MBNL3: variants seen among roughly 807,000 people sequenced by gnomAD.
The protein encoded by MBNL3 is muscleblind like splicing regulator 3, also known as muscleblind-like protein 3.
Under a neutral mutation model 24.5 loss-of-function variants are expected in MBNL3, and 6 were observed. The observed-to-expected ratio is 0.25, with a 90% CI of 0.13 to 0.48. The LOEUF (loss-of-function observed/expected upper bound fraction) is 0.48, where lower values mean the gene tolerates loss of function less well. Ranked by LOEUF, MBNL3 falls within the 20% of genes least tolerant of loss-of-function variation. The probability of loss-of-function intolerance (pLI) is 0.99; values close to 1 mark genes in which losing one functional copy is unlikely to be tolerated. For synonymous variants in MBNL3, 100 were observed against 101.7 expected, an observed-to-expected ratio of 0.98 and a Z score of 0.10; for missense variants, 230 against 293.5, an observed-to-expected ratio of 0.78 and a Z score of 1.58.
At chrX:132,400,718 A>T (rs1940748300) in intron 3 of MBNL3, among the ~76,000 whole-genome samples, 1 of 111,719 alleles carries the variant, frequency 9.0e-6, no homozygotes, top group African/African-American at 3.3e-5. Flanking sequence ...AACAGATTAC[A>T]GTAGGCTTCA....
Position 132,447,361 on chromosome X carries a change from C to T in MBNL3, c.-703-7047G>A, listed in dbSNP as rs753005507. Among the ~76,000 whole-genome samples, 13 of 111,802 alleles carry T rather than the reference C, an allele frequency of 1.2e-4. No individual in the cohort carries two copies. In the South Asian group the frequency reaches 3.0e-3, roughly 26 times the overall value. On this transcript the variant is annotated intron_variant, in intron 1 of 8. Transcript: ENST00000370853. ...ACTTTGGGCAGTATGGCCATTTTCA[C>T]GATATTGATTCATCCCATCCATGGG...
intron 2 of MBNL3, among the ~76,000 whole-genome samples, chrX:132,438,921 C>T (rs1157319354): frequency 1.8e-5 from 2 of 108,763 alleles, no homozygotes; most frequent in Non-Finnish European, 3.8e-5. Context: ...CTTCAAAATG[C>T]CATAATTTTC....
At chrX:132,396,793 T>C (rs180800059) in intron 3 of MBNL3, among the ~76,000 whole-genome samples, 17 of 3,104 alleles carry the variant, frequency 5.5e-3, no homozygotes, top group East Asian at 0.023. Context: ...TTCATATATA[T>C]ATTCATATAT....
chrX:132,478,223 C>G (rs1197810950), intron 1 of MBNL3, among the ~76,000 whole-genome samples: 2 of 111,073 alleles, frequency 1.8e-5, no homozygotes, highest in Non-Finnish European at 3.8e-5. Context: ...GTTAAACATC[C>G]GTTTTTGGCT....
chrX:132,467,479 A>G (rs926952903), intron 1 of MBNL3, among the ~76,000 whole-genome samples: 3 of 112,036 alleles, frequency 2.7e-5, no homozygotes, highest in African/African-American at 9.7e-5. Flanking sequence ...TAATAATGAT[A>G]ATACACATAA....
chrX:132,378,838 GA>G lies in MBNL3; in HGVS notation c.*827del, dbSNP rs2148017084. The G allele has an allele frequency of 8.9e-6, 1 of 112,057 alleles. No homozygotes were observed. The highest frequency in any genetic ancestry group is 3.2e-5 in the African/African-American group (1 of 30,934). The allele number at this position is 112,057 out of a possible 1,213,427, so 9.2% of individuals were successfully genotyped here. Reference sequence around the variant, plus strand: ...ATTTGCCAAGCTATTTAAGAAGAGTGAATTAGGGGTTAATGTTTTATGAAGT... The same window carrying G: ...ATTTGCCAAGCTATTTAAGAAGAGTGATTAGGGGTTAATGTTTTATGAAGT... On this transcript the variant is annotated 3_prime_UTR_variant, in exon 9 of 9. Coordinates refer to ENST00000370853, the MANE Select transcript of MBNL3 (RefSeq NM_001386889.1).
chrX:132,417,779 GA>G (rs1033361470), intron 2 of MBNL3, among the ~76,000 whole-genome samples: 4 of 108,769 alleles, frequency 3.7e-5, no homozygotes, highest in South Asian at 4.0e-4. Flanking sequence ...ACATCTTTCT[GA>G]AAAAAAAATA....
intron 2 of MBNL3, among the ~76,000 whole-genome samples, chrX:132,433,691 T>A (rs1944924155): frequency 8.9e-6 from 1 of 112,259 alleles, no homozygotes. Flanking sequence ...TTCCAGCTCC[T>A]GGAACAGGAT....
At chrX:132,418,778 T>G (rs183061477) in intron 2 of MBNL3, among the ~76,000 whole-genome samples, 7 of 112,515 alleles carry the variant, frequency 6.2e-5, no homozygotes, top group African/African-American at 1.6e-4. Flanking sequence ...TGTTTGGTTT[T>G]GTTTTGTTTT....
At chrX:132,443,915 C>G (rs184932089) in intron 1 of MBNL3, among the ~76,000 whole-genome samples, 92 of 93,575 alleles carry the variant, frequency 9.8e-4, no homozygotes, top group Non-Finnish European at 1.5e-3. Flanking sequence ...AGTAATTTAA[C>G]TTGCACAACT....
intron 5 of MBNL3, among the ~76,000 whole-genome samples, chrX:132,389,140 C>A (rs2148096038): frequency 8.9e-6 from 1 of 111,917 alleles, no homozygotes; most frequent in East Asian, 2.8e-4. Flanking sequence ...TTATAATTAC[C>A]CCTTCAAAAG....
At chrX:132,474,106 G>C (rs1947319125) in intron 1 of MBNL3, among the ~76,000 whole-genome samples, 1 of 111,179 alleles carries the variant, frequency 9.0e-6, no homozygotes, top group African/African-American at 3.3e-5. Context: ...CCAGACCTGA[G>C]GTTTGTTATT....
intron 1 of MBNL3, among the ~76,000 whole-genome samples, chrX:132,483,982 AT>A (rs1054129073): frequency 8.6e-4 from 95 of 110,454 alleles, no homozygotes; most frequent in Middle Eastern, 4.7e-3. Context: ...AGTATTTCTG[AT>A]TTTTTTTTTA....
chrX:132,486,034 C>CATTATCTAACT (rs1333934582), intron 1 of MBNL3, among the ~76,000 whole-genome samples: 1 of 111,701 alleles, frequency 9.0e-6, no homozygotes, highest in African/African-American at 3.3e-5. Context: ...TGGCAGTGAC[C>CATTATCTAACT]ATTATCTAAC....
At position 132,371,395 on chromosome X, in the gene MBNL3, G is replaced by A. The variant is rs772939220; in HGVS notation, c.*8271C>T. On this transcript the variant is annotated 3_prime_UTR_variant, in exon 9 of 9. Coordinates refer to ENST00000370853, the MANE Select transcript of MBNL3 (RefSeq NM_001386889.1). ...TTTTGAAGCATTTTGAAATAAGGCAGAATAAAGTATTACTAAATTACATTT... is the reference window on the plus strand; with the variant it reads ...TTTTGAAGCATTTTGAAATAAGGCAAAATAAAGTATTACTAAATTACATTT... 8.9e-6 allele frequency: 1 copy of A among 112,241 alleles called. No individual in the cohort carries two copies. The highest frequency in any genetic ancestry group is 1.9e-5 in the Non-Finnish European group (1 of 53,221). 9.2% of individuals were successfully genotyped at this position (112,241 alleles called of 1,213,427 possible).
intron 3 of MBNL3, among the ~76,000 whole-genome samples, chrX:132,399,194 G>A (rs976873007): frequency 9.0e-6 from 1 of 111,682 alleles, no homozygotes; most frequent in African/African-American, 3.3e-5. Flanking sequence ...CAAAAATGGT[G>A]GCAAAGAAAT....
chrX:132,437,598 C>G (rs887537272), intron 2 of MBNL3, among the ~76,000 whole-genome samples: 1 of 111,254 alleles, frequency 9.0e-6, no homozygotes, highest in African/African-American at 3.3e-5. Flanking sequence ...AGGTCAGATA[C>G]AGTAGTGAGG....
chrX:132,405,698 C>A (rs1941669275), intron 3 of MBNL3, among the ~76,000 whole-genome samples: 1 of 109,866 alleles, frequency 9.1e-6, no homozygotes, highest in African/African-American at 3.3e-5. Flanking sequence ...CATGGTGAAA[C>A]TCCATGTCTA....
At chrX:132,382,152 T>C (rs748615608) in intron 8 of MBNL3, 26 bp downstream of exon 8, 2 of 1,186,413 alleles carry the variant, frequency 1.7e-6, no homozygotes, top group African/African-American at 3.5e-5. Flanking sequence ...TATCTTGATC[T>C]GAACAGCTTA....
Sources: allele counts gnomAD v4.1 joint callset (sites outside exome capture counted in the v4.1 genomes callset), GRCh38; gene constraint gnomAD v4.1.1; transcripts MANE v1.5; gene names NCBI Gene and HGNC (gene_info 2026-07-23, HGNC 2026-07-21).